The following SCOC variants were observed in gnomAD, a reference collection of about 807,000 sequenced individuals.
SCOC encodes short coiled coil protein.
In SCOC, 7 loss-of-function variants were observed where a neutral mutation model predicts 9.9. The observed-to-expected ratio is 0.71, with a 90% CI of 0.40 to 1.33. The LOEUF is 1.33. Ranked by LOEUF, SCOC falls within the 40% of genes most tolerant of loss-of-function variation. The probability of loss-of-function intolerance (pLI) is 0.01; values close to 1 mark genes in which losing one functional copy is unlikely to be tolerated. For synonymous variants in SCOC, 19 were observed against 28.2 expected (o/e 0.67, Z 1.03); for missense variants, 66 against 89.7 (o/e 0.74, Z 1.07).
intron 1 of SCOC, among the ~76,000 whole-genome samples, chr4:140,258,856 GTATC>G (rs1178604136): frequency 1.3e-5 from 2 of 152,192 alleles, no homozygotes; most frequent in Non-Finnish European, 2.9e-5. Flanking sequence ...CTCCCACCAT[GTATC>G]TATCTATCAA....
At chr4:140,344,482 T>C (rs1578832563) in intron 2 of SCOC, among the ~76,000 whole-genome samples, 1 of 152,316 alleles carries the variant, frequency 6.6e-6, no homozygotes, top group Non-Finnish European at 1.5e-5. Context: ...TGCTCTTTCA[T>C]ACAGCCACGC....
intron 1 of SCOC, among the ~76,000 whole-genome samples, chr4:140,336,085 G>A (rs950477087): frequency 1.3e-5 from 2 of 152,024 alleles, no homozygotes; most frequent in African/African-American, 2.4e-5. Context: ...CTAGTCTTCC[G>A]TTGAATTTGA....
In SCOC at chr4:140,373,835, C is replaced by A. The variant is rs1728188788; in HGVS notation, c.-51+118C>A. On this transcript the variant is annotated intron_variant, in intron 1 of 3. Coordinates refer to ENST00000608372, the MANE Select transcript of SCOC (RefSeq NM_001153484.2). The stretch of plus-strand genomic sequence containing the variant: ...GGACGCGGCCCTGCGCACCGGGGGC[C>A]CGGGAGGAGCGGTCTCGGGCCTGGG... 6 of 1,140,180 alleles carry A rather than the reference C, an allele frequency of 5.3e-6. No homozygotes were observed. The East Asian group carries it at 1.0e-4, about 20-fold the overall frequency. The allele number at this position is 1,140,180 out of a possible 1,614,324, so 70.6% of individuals were successfully genotyped here. A position where few individuals can be genotyped will look rare whatever the true frequency, so the allele number is the denominator to read the frequency against.
At chr4:140,336,641 G>C (rs1477810436) in intron 1 of SCOC, among the ~76,000 whole-genome samples, 1 of 152,134 alleles carries the variant, frequency 6.6e-6, no homozygotes, top group African/African-American at 2.4e-5. Context: ...ATGGGCATTT[G>C]GGTTTTTTCT....
rs775033091 is a variant in SCOC at position 140,382,718 on chromosome 4, A to T, written c.*1614A>T. 1 of 152,688 alleles carries T rather than the reference A, an allele frequency of 6.5e-6. No homozygotes were observed. The highest frequency in any genetic ancestry group is 1.5e-5 in the Non-Finnish European group (1 of 68,044). The allele number at this position is 152,688 out of a possible 1,614,324, so 9.5% of individuals were successfully genotyped here. A position where few individuals can be genotyped will look rare whatever the true frequency, so the allele number is the denominator to read the frequency against. On this transcript the variant is annotated 3_prime_UTR_variant, in exon 4 of 4. Transcript: ENST00000608372. ...TTAATACAACTATAACTGGTTATCA[A>T]TATAAATATCATAGGCTATTATACA... is the stretch of plus-strand genomic sequence containing the variant.
chr4:140,384,406 G>A lies in SCOC; in HGVS notation c.*3302G>A, dbSNP rs1186805162. ...CCAAATTTTAGACAGGCACCTCTGA[G>A]CCCTGTTTTTGACTAGTCCAGTTTT... On this transcript the variant is annotated 3_prime_UTR_variant, in exon 4 of 4. Transcript: ENST00000608372. The A allele has an allele frequency of 6.6e-6, 1 of 152,178 alleles. No individual in the cohort carries two copies. The highest frequency in any genetic ancestry group is 1.5e-5 in the Non-Finnish European group (1 of 68,038). The allele number at this position is 152,178 out of a possible 1,614,324, so 9.4% of individuals were successfully genotyped here. A position where few individuals can be genotyped will look rare whatever the true frequency, so the allele number is the denominator to read the frequency against.
intron 1 of SCOC, among the ~76,000 whole-genome samples, chr4:140,319,856 G>A (rs1023598608): frequency 6.6e-6 from 1 of 152,122 alleles, no homozygotes; most frequent in Non-Finnish European, 1.5e-5. Context: ...AGAAAGACAA[G>A]GGCCTGCAGG....
In SCOC at chr4:140,329,074, A is replaced by G. The variant is rs559933309; in HGVS notation, c.-18-14547A>G. Among the ~76,000 whole-genome samples, 7 of 152,350 alleles carry G rather than the reference A, an allele frequency of 4.6e-5. No individual in the cohort carries two copies. The East Asian group carries it at 1.3e-3, about 29-fold the overall frequency. On this transcript the variant is annotated intron_variant, in intron 1 of 4. Coordinates refer to the SCOC transcript ENST00000394205. ...ATACTATAAGGCCACAGTCACCAAA[A>G]CAGCATCGTATTGGTATAAAAATAC...
In SCOC at chr4:140,385,543, C is replaced by G. The variant is rs1403578450; in HGVS notation, c.*4439C>G. On this transcript the variant is annotated 3_prime_UTR_variant, in exon 4 of 4. Transcript: ENST00000608372. ...AAATCATGTATGCATTTAGTTCCAA[C>G]TAGTTAATGTCACATCTCTATTCCT... The G allele has an allele frequency of 6.6e-6, 1 of 152,116 alleles. No homozygotes were observed. The highest frequency in any genetic ancestry group is 1.5e-5 in the Non-Finnish European group (1 of 68,014). The allele number at this position is 152,116 out of a possible 1,614,324, so 9.4% of individuals were successfully genotyped here.
At chr4:140,322,298 G>A (rs1044720592) in intron 1 of SCOC, among the ~76,000 whole-genome samples, 18 of 152,242 alleles carry the variant, frequency 1.2e-4, no homozygotes, top group South Asian at 8.3e-4. Flanking sequence ...CTATATTGCC[G>A]TGAGAATACA....
At chr4:140,272,740 C>T (rs1296544038) in intron 1 of SCOC, among the ~76,000 whole-genome samples, 2 of 151,846 alleles carry the variant, frequency 1.3e-5, no homozygotes, top group African/African-American at 4.8e-5. Flanking sequence ...GAAAGGGATA[C>T]TTTTAATACG....
At chr4:140,362,303 T>TCCTC (rs1253683051) in intron 2 of SCOC, among the ~76,000 whole-genome samples, 41 of 44,236 alleles carry the variant, frequency 9.3e-4, no homozygotes, top group South Asian at 2.3e-3. Flanking sequence ...CTTCTTCTTT[T>TCCTC]TTTTTTTTTT....
At chr4:140,372,779 T>C (rs535665649), upstream of SCOC, among the ~76,000 whole-genome samples, 1 of 152,326 alleles carries the variant, frequency 6.6e-6, no homozygotes, top group African/African-American at 2.4e-5. Flanking sequence ...AAAATAATAA[T>C]GTATTGCTGT....
chr4:140,350,612 T>G (rs1043342465), intron 2 of SCOC, among the ~76,000 whole-genome samples: 1 of 152,220 alleles, frequency 6.6e-6, no homozygotes, highest in African/African-American at 2.4e-5. Context: ...CCTGGTTATT[T>G]GAAGAATTGG....
intron 1 of SCOC, chr4:140,291,244 A>G (rs1221552151): frequency 1.5e-5 from 5 of 342,964 alleles, no homozygotes; most frequent in Non-Finnish European, 2.9e-5. Flanking sequence ...GCTATCTCCA[A>G]AAGAAGCCGG....
intron 1 of SCOC, among the ~76,000 whole-genome samples, chr4:140,260,379 A>G (rs73858120): frequency 2.4e-3 from 360 of 152,332 alleles, no homozygotes; most frequent in African/African-American, 8.3e-3. Flanking sequence ...GTTCCTGTGC[A>G]TGTTGAAGTT....
In SCOC at chr4:140,291,932, T is replaced by C. The variant is rs574122253; in HGVS notation, c.-19+34522T>C. ...ATAGTTTATGCTTGCCATGGTTTTA[T>C]AGTGTCATTCTACCTATGGATCCTG... is the stretch of plus-strand genomic sequence containing the variant. On this transcript the variant is annotated intron_variant, in intron 1 of 4. Coordinates refer to the SCOC transcript ENST00000394205. Among the ~76,000 whole-genome samples the C allele has an allele frequency of 5.9e-5, 9 of 152,320 alleles. No homozygotes were observed. In the South Asian group the frequency reaches 1.4e-3, roughly 25 times the overall value.
At chr4:140,310,241 A>G (rs1732111577) in intron 1 of SCOC, among the ~76,000 whole-genome samples, 1 of 152,248 alleles carries the variant, frequency 6.6e-6, no homozygotes, top group African/African-American at 2.4e-5. Context: ...GAATTCCTAC[A>G]GGGCTGGAAG....
chr4:140,358,198 T>C (rs1469568159), intron 2 of SCOC, among the ~76,000 whole-genome samples: 1 of 152,234 alleles, frequency 6.6e-6, no homozygotes, highest in Non-Finnish European at 1.5e-5. Context: ...GTTTTACCTT[T>C]ATTATTTTAA....
Sources: allele counts gnomAD v4.1 joint callset (sites outside exome capture counted in the v4.1 genomes callset), GRCh38; gene constraint gnomAD v4.1.1; transcripts MANE v1.5; gene names NCBI Gene and HGNC (gene_info 2026-07-23, HGNC 2026-07-21).